KIF19: variants seen among roughly 807,000 people sequenced by gnomAD.
KIF19 encodes the protein kinesin-like protein KIF19.
In KIF19, 98 loss-of-function variants were observed where a neutral mutation model predicts 106.6. The ratio of observed to expected loss-of-function variants is 0.92; its 90% CI spans 0.78 to 1.09. The LOEUF (loss-of-function observed/expected upper bound fraction) is 1.09, where lower values mean the gene tolerates loss of function less well. Ranked by LOEUF, KIF19 falls within the 50% of genes least tolerant of loss-of-function variation. The pLI, the probability that KIF19 is intolerant of heterozygous loss-of-function variation, is 0.00. For missense variants in KIF19, 1,373 were observed against 1,414.3 expected, an observed-to-expected ratio of 0.97 and a Z score of 0.47; for synonymous variants, 516 against 584.2, an observed-to-expected ratio of 0.88 and a Z score of 1.68.
Position 74,350,861 on chromosome 17 carries a change from A to C in KIF19, c.1543A>C (p.Ile515Leu). Residue 515 changes from isoleucine to leucine, a missense_variant, in exon 12 of 20, where the codon ATT becomes CTT. Ile to Leu is a conservative substitution (Grantham distance 5, BLOSUM62 2). This residue lies in a region of KIF19 where 1,020 missense variants were observed against 1,008.2 expected (regional missense o/e 1.01). Coordinates refer to ENST00000389916, the MANE Select transcript of KIF19 (RefSeq NM_153209.4). ...CGAGGTGGCCGCAGCCCGGGAGAGC[A>C]TTGCAGCCCTGGTGGACGAGCAGAA... ...PPEVAAARES[I>L]AALVDEQKQL... 6.2e-7 allele frequency: 1 copy of C among 1,614,006 alleles called. No homozygotes were observed. The highest frequency in any genetic ancestry group is 8.5e-7 in the Non-Finnish European group (1 of 1,179,898).
intron 2 of KIF19, among the ~76,000 whole-genome samples, chr17:74,338,082 G>C (rs1298546303): frequency 6.6e-6 from 1 of 152,238 alleles, no homozygotes; most frequent in African/African-American, 2.4e-5. Flanking sequence ...GTGTCTGGAG[G>C]TTGTATGAAG....
rs780681154 is a variant in KIF19, at chr17:74,344,911, C to G, written c.733C>G (p.Arg245Gly). Residue 245 changes from arginine to glycine, a missense_variant, in exon 7 of 20, where the codon CGC (arginine) becomes GGC (glycine). Transcript: ENST00000389916. ...KNILQEVRQG[R>G]LFMIDLAGSE... is the part of the protein sequence containing the mutation. ...CATCTTGCAGGAGGTGCGGCAGGGC[C>G]GCCTGTTCATGATCGACCTGGCTGG... The G allele has an allele frequency of 1.2e-6, 2 of 1,611,368 alleles. No homozygotes were observed. The highest frequency in any genetic ancestry group is 1.7e-5 in the Admixed American group (1 of 59,948).
intron 9 of KIF19, 85 bp from the exon 10 acceptor site, chr17:74,349,099 G>C: frequency 7.0e-7 from 1 of 1,419,530 alleles, no homozygotes; most frequent in Non-Finnish European, 9.8e-7. Flanking sequence ...GGGGGAGGCA[G>C]GGGGAAGAAA....
intron 2 of KIF19, among the ~76,000 whole-genome samples, chr17:74,329,860 A>G (rs912084470): frequency 6.6e-6 from 1 of 152,208 alleles, no homozygotes; most frequent in African/African-American, 2.4e-5. Context: ...GCACTGTACA[A>G]TGCAGAGAAA....
At chr17:74,329,777 C>A (rs574900397) in intron 2 of KIF19, among the ~76,000 whole-genome samples, 1 of 152,168 alleles carries the variant, frequency 6.6e-6, no homozygotes, top group East Asian at 1.9e-4. Flanking sequence ...GTGGGGGCAA[C>A]AGGAGTGGGC....
At chr17:74,342,605 C>T in intron 3 of KIF19, 25 bp from the exon 4 acceptor site, 2 of 1,594,226 alleles carry the variant, frequency 1.3e-6, no homozygotes, top group South Asian at 1.1e-5. Flanking sequence ...GTGTCCCGGC[C>T]CCTGACAGGC....
At chr17:74,344,178 C>T (rs1393866463) in intron 5 of KIF19, 45 bp from the exon 6 acceptor site, 5 of 1,579,118 alleles carry the variant, frequency 3.2e-6, no homozygotes, top group Non-Finnish European at 2.6e-6. Context: ...TGACCTCCTG[C>T]CCTTAGTCTC....
chr17:74,330,563 A>T (rs1282218554), intron 2 of KIF19, among the ~76,000 whole-genome samples: 1 of 151,710 alleles, frequency 6.6e-6, no homozygotes, highest in East Asian at 1.9e-4. Context: ...GACAATGCTG[A>T]CTCTCTCTCT....
chr17:74,331,883 G>A lies in KIF19; in HGVS notation c.120+3378G>A, dbSNP rs1217941167. On this transcript the variant is annotated intron_variant, in intron 2 of 19. Coordinates refer to ENST00000389916, the MANE Select transcript of KIF19 (RefSeq NM_153209.4). The surrounding 1 kb of genome is among the most constrained non-coding windows in gnomAD (Gnocchi z 4.1). ...TGAGCCACTGTGCCCAGCCGGTTTG[G>A]ATTTTTAATGGGGATAGTCCAGTTG... is the stretch of plus-strand genomic sequence containing the variant. Among the ~76,000 whole-genome samples the A allele has an allele frequency of 3.3e-5, 5 of 152,054 alleles. No individual in the cohort carries two copies. Among genetic ancestry groups the A allele is most frequent in the Non-Finnish European group, 7.4e-5 (5 of 68,000 alleles).
At chr17:74,350,307 G>A in intron 10 of KIF19, 94 bp from the exon 11 acceptor site, 1 of 1,213,952 alleles carries the variant, frequency 8.2e-7, no homozygotes, top group Admixed American at 2.4e-5. Context: ...GCACTGAGTT[G>A]GGAAGAAAAG....
intron 1 of KIF19, 37 bp downstream of exon 1, chr17:74,326,425 C>G: frequency 6.2e-7 from 1 of 1,602,946 alleles, no homozygotes; most frequent in South Asian, 1.1e-5. Flanking sequence ...CACCCCGCTC[C>G]GTGGTCTACT....
At position 74,346,413 on chromosome 17, in the gene KIF19, C is replaced by T. The variant is rs1198503903; in HGVS notation, c.813C>T (p.Ala271=). Reference sequence around the variant, plus strand: ...GTGGGCAGCGTATGAAGGAGGGGGCCCACATCAACCGCTCACTGCTGGCAC... The same window carrying T: ...GTGGGCAGCGTATGAAGGAGGGGGCTCACATCAACCGCTCACTGCTGGCAC... ...QNRGQRMKEG[A]HINRSLLALG... is the part of the protein sequence containing the mutation. The change falls in exon 8 of 20, where the codon GCC becomes GCT. Residue 271 remains alanine, a synonymous_variant. Coordinates refer to ENST00000389916, the MANE Select transcript of KIF19 (RefSeq NM_153209.4). The surrounding 1 kb of genome is among the most constrained non-coding windows in gnomAD (Gnocchi z 4.6). 1.9e-6 allele frequency: 3 copies of T among 1,574,716 alleles called. No homozygotes were observed. Among genetic ancestry groups the T allele is most frequent in the Non-Finnish European group, 2.6e-6 (3 of 1,160,370 alleles).
At position 74,347,917 on chromosome 17, in the gene KIF19, G is replaced by A. The variant is rs779208622; in HGVS notation, c.1047+18G>A. ...AGACTAGGGTGAGGGCCCCTGGACC[G>A]TCCACCAGGACACACCTTCCTGGGC... On this transcript the variant is annotated intron_variant, in intron 9 of 19. Coordinates refer to ENST00000389916, the MANE Select transcript of KIF19 (RefSeq NM_153209.4). 3.1e-5 allele frequency: 49 copies of A among 1,568,216 alleles called. No individual in the cohort carries two copies. In the East Asian group the frequency reaches 3.8e-4, roughly 12 times the overall value.
intron 2 of KIF19, among the ~76,000 whole-genome samples, chr17:74,338,186 C>T (rs1189601877): frequency 6.6e-6 from 1 of 152,258 alleles, no homozygotes; most frequent in African/African-American, 2.4e-5. Context: ...CACTGGTCCT[C>T]CCCGTGTCCA....
At chr17:74,342,492 C>G (rs898910991) in intron 3 of KIF19, 138 bp from the exon 4 acceptor site, 20 of 662,746 alleles carry the variant, frequency 3.0e-5, no homozygotes, top group East Asian at 8.2e-5. Context: ...TCCCCTCCCC[C>G]ACCCCCCACC....
rs2054728332 is a variant in KIF19 at position 74,352,111 on chromosome 17, T to C, written c.1832T>C (p.Ile611Thr). ...EQHRSLCDEI[I>T]QGQRQIIDDY... ...CACCGCAGTCTCTGCGACGAGATTA[T>C]CCAGGGCCAGCGGCAGATCATCGAC... is the stretch of plus-strand genomic sequence containing the variant. Residue 611 changes from isoleucine to threonine, a missense_variant, in exon 13 of 20, where the codon ATC becomes ACC. This residue lies in a region of KIF19 where 1,020 missense variants were observed against 1,008.2 expected (regional missense o/e 1.01). Transcript: ENST00000389916. The C allele has an allele frequency of 1.3e-6, 2 of 1,586,368 alleles. No individual in the cohort carries two copies. The highest frequency in any genetic ancestry group is 1.4e-5 in the African/African-American group (1 of 74,014).
At chr17:74,352,693 C>A in intron 14 of KIF19, 128 bp from the exon 15 acceptor site, 2 of 1,182,548 alleles carry the variant, frequency 1.7e-6, no homozygotes, top group Non-Finnish European at 2.4e-6. Context: ...CAAACACAAG[C>A]CCACTGCCCT....
chr17:74,353,697 G>T, intron 17 of KIF19, 116 bp downstream of exon 17: 2 of 818,108 alleles, frequency 2.4e-6, no homozygotes, highest in Non-Finnish European at 4.1e-6. Flanking sequence ...CAAGCATTGG[G>T]TGCTACACAT....
At chr17:74,343,341 G>A (rs535518973) in intron 5 of KIF19, among the ~76,000 whole-genome samples, 181 bp downstream of exon 5, 10 of 152,296 alleles carry the variant, frequency 6.6e-5, no homozygotes, top group South Asian at 6.2e-4. Context: ...CACAGTAAGC[G>A]AGGGAGCGGG....
Sources: gnomAD v4.1 joint callset for allele counts (sites outside exome capture counted in the v4.1 genomes callset) on GRCh38, gnomAD v4.1.1 for gene constraint, gnomAD v4.1.1 regional missense constraint, Gnocchi (gnomAD v3.1) non-coding constraint, MANE v1.5 for transcripts, NCBI Gene and HGNC (gene_info 2026-07-23, HGNC 2026-07-21) for gene names.